The following TSPAN18 variants were observed in gnomAD, a reference collection of about 807,000 sequenced individuals.
TSPAN18 encodes tetraspanin-18.
TSPAN18 carries 14 observed loss-of-function variants against 27.3 expected under a neutral mutation model. The observed-to-expected ratio is 0.51, with a 90% confidence interval of 0.34 to 0.80. The LOEUF (loss-of-function observed/expected upper bound fraction) is 0.80, where lower values mean the gene tolerates loss of function less well. TSPAN18 is among the 30% of genes least tolerant of loss of function. The probability of loss-of-function intolerance (pLI) is 0.01; values close to 1 mark genes in which losing one functional copy is unlikely to be tolerated. For synonymous variants in TSPAN18, 143 were observed against 136.5 expected (o/e 1.05, Z -0.33); for missense variants, 268 against 323.9 (o/e 0.83, Z 1.32).
At chr11:44,858,131 T>C (rs1282279084) in intron 2 of TSPAN18, among the ~76,000 whole-genome samples, 1 of 152,174 alleles carries the variant, frequency 6.6e-6, no homozygotes, top group African/African-American at 2.4e-5. Flanking sequence ...TGGGTGGACA[T>C]ACGTAAAGCA....
chr11:44,923,982 C>T (rs1360435314), intron 8 of TSPAN18, among the ~76,000 whole-genome samples: 1 of 152,188 alleles, frequency 6.6e-6, no homozygotes, highest in Admixed American at 6.5e-5. Context: ...CAGGGCTCAG[C>T]TTCCCTCTGC....
intron 3 of TSPAN18, among the ~76,000 whole-genome samples, chr11:44,876,979 C>A (rs1360232426): frequency 6.6e-6 from 1 of 152,192 alleles, no homozygotes; most frequent in Admixed American, 6.5e-5. Flanking sequence ...GTGCCTCCTC[C>A]CCCAGGCCCC....
chr11:44,788,142 G>A (rs567018964), intron 2 of TSPAN18, among the ~76,000 whole-genome samples: 49 of 152,200 alleles, frequency 3.2e-4, no homozygotes, highest in Non-Finnish European at 6.3e-4. Context: ...CACAGTTGGT[G>A]GTTGAAGCTT....
intron 1 of TSPAN18, among the ~76,000 whole-genome samples, chr11:44,737,900 ACCTCCT>A (rs1401151943): frequency 6.6e-6 from 1 of 151,538 alleles, no homozygotes; most frequent in Non-Finnish European, 1.5e-5. Flanking sequence ...CCCCTGCATT[ACCTCCT>A]CCAGGAAGTC....
chr11:44,920,284 GT>G (rs1304549327), intron 8 of TSPAN18, among the ~76,000 whole-genome samples: 1 of 152,148 alleles, frequency 6.6e-6, no homozygotes, highest in Non-Finnish European at 1.5e-5. Flanking sequence ...GTTTCCCGAT[GT>G]TTCCTGAGTT....
rs3222524 is a variant in TSPAN18, at chr11:44,802,609, G to GCACACACACACACACACACACACA, written c.-153+38102_-153+38125dup. On this transcript the variant is annotated intron_variant, in intron 2 of 9. Transcript: ENST00000520358. The stretch of plus-strand genomic sequence containing the variant: ...TGGGAGTGGGGGGCTGGGAAGCACT[G>GCACACACACACACACACACACACA]CACACACACACACACACACACACAC... 1.0e-2 allele frequency among the ~76,000 whole-genome samples: 1,423 copies of GCACACACACACACACACACACACA among 142,596 alleles called. 34 individuals carry two copies. The highest frequency in any genetic ancestry group is 0.034 in the African/African-American group (1,262 of 37,382). 93.5% of individuals were successfully genotyped at this position (142,596 alleles called of 152,430 possible).
chr11:44,811,480 A>G (rs986068144), intron 2 of TSPAN18, among the ~76,000 whole-genome samples: 1 of 142,058 alleles, frequency 7.0e-6, no homozygotes, highest in Non-Finnish European at 1.5e-5. Flanking sequence ...TTTTTTTGAG[A>G]TGGAGTCTCG....
chr11:44,796,607 T>C (rs1035136021), intron 2 of TSPAN18, among the ~76,000 whole-genome samples: 3 of 152,102 alleles, frequency 2.0e-5, no homozygotes, highest in African/African-American at 7.2e-5. Flanking sequence ...GTAGGGAGAA[T>C]GTTGGTGACT....
At chr11:44,742,974 T>C (rs1454387917) in intron 1 of TSPAN18, among the ~76,000 whole-genome samples, 2 of 152,232 alleles carry the variant, frequency 1.3e-5, no homozygotes, top group Non-Finnish European at 2.9e-5. Flanking sequence ...CTCATACTCC[T>C]GGATGCTGCC....
intron 2 of TSPAN18, among the ~76,000 whole-genome samples, chr11:44,783,149 T>C (rs1480851270): frequency 1.3e-5 from 2 of 152,150 alleles, no homozygotes; most frequent in African/African-American, 2.4e-5. Flanking sequence ...ATTTTTATTA[T>C]ATAATTTGTC....
rs139974979 is a variant in TSPAN18 at position 44,926,285 on chromosome 11, C to T, written c.616-389C>T. On this transcript the variant is annotated intron_variant, in intron 8 of 9. Coordinates refer to ENST00000520358, the MANE Select transcript of TSPAN18 (RefSeq NM_130783.5). Reference sequence around the variant, plus strand: ...TCCCCAGGGACCACCTGTTGGCACCCGAAGGCAGCAGCTGCTGATGTGAAA... The same window carrying T: ...TCCCCAGGGACCACCTGTTGGCACCTGAAGGCAGCAGCTGCTGATGTGAAA... 2.8e-3 allele frequency: 525 copies of T among 186,016 alleles called. 1 individual carries two copies. The highest frequency in any genetic ancestry group is 3.4e-3 in the African/African-American group (146 of 42,426). 11.5% of individuals were successfully genotyped at this position (186,016 alleles called of 1,614,324 possible). A position where few individuals can be genotyped will look rare whatever the true frequency, so the allele number is the denominator to read the frequency against.
Position 44,919,221 on chromosome 11 carries a change from G to A in TSPAN18, c.341G>A (p.Arg114Gln), listed in dbSNP as rs147332091. 4.0e-5 allele frequency: 65 copies of A among 1,613,936 alleles called. 1 individual carries two copies. In the Admixed American group the frequency reaches 5.2e-4, roughly 13 times the overall value. Residue 114 changes from arginine to glutamine, a missense_variant, in exon 7 of 10, where the codon CGA (arginine) becomes CAA (glutamine). By Grantham distance (43) the Arg-to-Gln change is conservative. Transcript: ENST00000520358. ...TTCTCCCTCTGCCCCCAGCTCACCC[G>A]AGAATTCTTCACCAAGGAGCTCACC... ...LAFIFRENLTREFFTKELTKH... is the reference protein window; with the variant it reads ...LAFIFRENLTQEFFTKELTKH...
At chr11:44,727,512 C>T (rs1854545373) in intron 1 of TSPAN18, among the ~76,000 whole-genome samples, 1 of 152,202 alleles carries the variant, frequency 6.6e-6, no homozygotes, top group African/African-American at 2.4e-5. Context: ...CCGGAGTCCG[C>T]TGAGGGCCGG....
intron 3 of TSPAN18, among the ~76,000 whole-genome samples, chr11:44,870,245 G>C (rs1005721836): frequency 4.6e-5 from 7 of 152,102 alleles, no homozygotes; most frequent in African/African-American, 1.7e-4. Context: ...TTTGCCATCA[G>C]TCCCTGTTCC....
chr11:44,926,501 G>C (rs835988), intron 8 of TSPAN18, 173 bp from the exon 9 acceptor site: 28 of 636,606 alleles, frequency 4.4e-5, no homozygotes, highest in Non-Finnish European at 7.3e-5. Flanking sequence ...CTGCCAAGTC[G>C]CTGTTTCTGG....
At chr11:44,824,279 G>T (rs1189560114) in intron 2 of TSPAN18, among the ~76,000 whole-genome samples, 3 of 152,138 alleles carry the variant, frequency 2.0e-5, no homozygotes, top group Non-Finnish European at 2.9e-5. Context: ...TAATTTATTG[G>T]TCCTGGCTAT....
chr11:44,895,544 A>C (rs1169179878), intron 3 of TSPAN18, among the ~76,000 whole-genome samples: 1 of 152,218 alleles, frequency 6.6e-6, no homozygotes. Context: ...GAGCCAGTCA[A>C]TAGGATGGGG....
intron 2 of TSPAN18, among the ~76,000 whole-genome samples, chr11:44,787,928 A>G (rs903720750): frequency 6.6e-6 from 1 of 152,094 alleles, no homozygotes; most frequent in African/African-American, 2.4e-5. Context: ...GCAGACAGTC[A>G]CACTGGCTTC....
chr11:44,862,854 C>T (rs1857934602), intron 3 of TSPAN18, among the ~76,000 whole-genome samples: 1 of 152,176 alleles, frequency 6.6e-6, no homozygotes, highest in Non-Finnish European at 1.5e-5. Flanking sequence ...GCCTTTAGGA[C>T]TTAGGGTGTA....
Sources: gnomAD v4.1 joint callset for allele counts (sites outside exome capture counted in the v4.1 genomes callset) on GRCh38, gnomAD v4.1.1 for gene constraint, MANE v1.5 for transcripts, NCBI Gene and HGNC (gene_info 2026-07-23, HGNC 2026-07-21) for gene names.